Variants in MAP4K4 observed in about 807,000 individuals in gnomAD.
MAP4K4 encodes the protein HPK/GCK-like kinase HGK.
Under a neutral mutation model 189.6 loss-of-function variants are expected in MAP4K4, and 38 were observed. The observed-to-expected ratio is 0.20, with a 90% CI of 0.15 to 0.26. MAP4K4 has a LOEUF of 0.26. Ranked by LOEUF, MAP4K4 falls within the 10% of genes least tolerant of loss-of-function variation. The probability of loss-of-function intolerance (pLI) is 1.00; values close to 1 mark genes in which losing one functional copy is unlikely to be tolerated. For missense variants in MAP4K4, 1,054 were observed against 1,726.9 expected (o/e 0.61, Z 6.91); for synonymous variants, 610 against 624.3 (o/e 0.98, Z 0.34).
intron 3 of MAP4K4, among the ~76,000 whole-genome samples, chr2:101,797,027 C>G (rs1390155096): frequency 6.6e-6 from 1 of 152,190 alleles, no homozygotes; most frequent in Admixed American, 6.5e-5. Context: ...GGCAGGACAC[C>G]TTGCTTTCAG....
At chr2:101,840,143 T>G (rs2096872031) in intron 10 of MAP4K4, 149 bp downstream of exon 10, 1 of 689,504 alleles carries the variant, frequency 1.5e-6, no homozygotes, top group Non-Finnish European at 2.2e-6. Context: ...TGCTTAGGCC[T>G]GGGGTCCAGT....
At chr2:101,875,467 C>G (rs1462108827) in intron 26 of MAP4K4, among the ~76,000 whole-genome samples, 1 of 151,822 alleles carries the variant, frequency 6.6e-6, no homozygotes, top group African/African-American at 2.4e-5. Context: ...ACTCAATCAA[C>G]TCTATAAGGA....
At chr2:101,715,660 A>C (rs2047975197) in intron 2 of MAP4K4, among the ~76,000 whole-genome samples, 1 of 152,156 alleles carries the variant, frequency 6.6e-6, no homozygotes, top group Non-Finnish European at 1.5e-5. Context: ...AATGGTTTAA[A>C]ATTTTGGATT....
At chr2:101,887,727 G>A in intron 30 of MAP4K4, 51 bp from the exon 31 acceptor site, 2 of 1,502,688 alleles carry the variant, frequency 1.3e-6, no homozygotes, top group Non-Finnish European at 1.8e-6. Context: ...CTTGCACAGG[G>A]CTGGAAATAA....
At chr2:101,704,713 C>T (rs1310001752) in intron 2 of MAP4K4, among the ~76,000 whole-genome samples, 1 of 150,796 alleles carries the variant, frequency 6.6e-6, no homozygotes, top group Non-Finnish European at 1.5e-5. Flanking sequence ...GTGCATGCCA[C>T]CAAGCCTGGC....
intron 12 of MAP4K4, among the ~76,000 whole-genome samples, chr2:101,847,058 A>G (rs964738787): frequency 1.3e-5 from 2 of 152,192 alleles, no homozygotes; most frequent in Non-Finnish European, 2.9e-5. Flanking sequence ...GTTTTGGTCA[A>G]CAACTGAGTA....
chr2:101,732,405 G>A (rs1055570276), intron 2 of MAP4K4, among the ~76,000 whole-genome samples: 9 of 152,100 alleles, frequency 5.9e-5, no homozygotes, highest in Non-Finnish European at 1.2e-4. Context: ...TAAAGTTTTA[G>A]CTGCTGTGAA....
chr2:101,782,889 AGGCCTATG>A (rs2088471784), intron 2 of MAP4K4, among the ~76,000 whole-genome samples: 2 of 152,168 alleles, frequency 1.3e-5, no homozygotes, highest in Admixed American at 1.3e-4. Flanking sequence ...CCTATGAGTG[AGGCCTATG>A]GTTTTGGGGT....
chr2:101,751,755 G>T (rs1433720332), intron 2 of MAP4K4, among the ~76,000 whole-genome samples: 1 of 152,162 alleles, frequency 6.6e-6, no homozygotes, highest in Non-Finnish European at 1.5e-5. Flanking sequence ...GTAGGGGCTC[G>T]ACTACAGACA....
rs115972573 is a variant in MAP4K4, at chr2:101,842,501, C to A, written c.950-108C>A. The A allele has an allele frequency of 4.4e-5, 31 of 710,190 alleles. No individual in the cohort carries two copies. The African/African-American group carries it at 5.4e-4, about 12-fold the overall frequency. The allele number at this position is 710,190 out of a possible 1,614,324, so 44.0% of individuals were successfully genotyped here. A position where few individuals can be genotyped will look rare whatever the true frequency, so the allele number is the denominator to read the frequency against. On this transcript the variant is annotated intron_variant, in intron 10 of 32. Transcript: ENST00000324219. ...TCCTCTATACAAGTTGCTGTTTTCA[C>A]AGGGAACTTGTTTATTTTCTGCCAA...
At chr2:101,758,182 T>A (rs1353861187) in intron 2 of MAP4K4, among the ~76,000 whole-genome samples, 1 of 152,246 alleles carries the variant, frequency 6.6e-6, no homozygotes, top group African/African-American at 2.4e-5. Context: ...ATGGGGGTAC[T>A]ACTGTTGTCT....
intron 2 of MAP4K4, among the ~76,000 whole-genome samples, chr2:101,753,325 C>T (rs1169677898): frequency 6.6e-6 from 1 of 152,184 alleles, no homozygotes; most frequent in East Asian, 1.9e-4. Context: ...CTGCCCTTTT[C>T]CCTTGCCTAC....
intron 2 of MAP4K4, among the ~76,000 whole-genome samples, chr2:101,776,745 T>C (rs1248447343): frequency 6.6e-6 from 1 of 152,016 alleles, no homozygotes; most frequent in Admixed American, 6.5e-5. Context: ...CAGGGTAATT[T>C]GAAGTGGAAG....
exon 33 of MAP4K4, chr2:101,893,379 A>C (rs1250772832): frequency 1.9e-5 from 7 of 375,230 alleles, no homozygotes; most frequent in Non-Finnish European, 3.7e-5. Context: ...GTTAACCTAG[A>C]GAAGGTTGAA....
chr2:101,871,774 C>A, intron 24 of MAP4K4, 89 bp downstream of exon 24: 1 of 1,206,882 alleles, frequency 8.3e-7, no homozygotes, highest in Non-Finnish European at 1.1e-6. Flanking sequence ...TTCCAACACC[C>A]TCACCCCTTC....
intron 3 of MAP4K4, among the ~76,000 whole-genome samples, chr2:101,804,041 GCT>G (rs1409841734): frequency 6.6e-6 from 1 of 152,096 alleles, no homozygotes; most frequent in Non-Finnish European, 1.5e-5. Flanking sequence ...GGGAAGCCAG[GCT>G]CTCTCTGCTC....
chr2:101,774,952 C>T (rs1486595371), intron 2 of MAP4K4, among the ~76,000 whole-genome samples: 1 of 151,998 alleles, frequency 6.6e-6, no homozygotes, highest in Non-Finnish European at 1.5e-5. Flanking sequence ...GAGGCCTCTC[C>T]ACCTAGGTCG....
intron 3 of MAP4K4, among the ~76,000 whole-genome samples, chr2:101,821,308 A>G (rs1333825581): frequency 6.6e-6 from 1 of 152,156 alleles, no homozygotes; most frequent in Non-Finnish European, 1.5e-5. Flanking sequence ...TCACTTAACC[A>G]TGAGGATACG....
chr2:101,751,410 C>T (rs1395166572), intron 2 of MAP4K4, among the ~76,000 whole-genome samples: 1 of 152,202 alleles, frequency 6.6e-6, no homozygotes, highest in Non-Finnish European at 1.5e-5. Flanking sequence ...TTTCAAGTCC[C>T]AGCTTGTGGT....
Sources: gnomAD v4.1 joint callset for allele counts (sites outside exome capture counted in the v4.1 genomes callset) on GRCh38, gnomAD v4.1.1 for gene constraint, MANE v1.5 for transcripts, NCBI Gene and HGNC (gene_info 2026-07-23, HGNC 2026-07-21) for gene names.